Variants in PLD2 observed in about 807,000 individuals in gnomAD.
PLD2 encodes the protein phospholipase D2.
In PLD2, 101 loss-of-function variants were observed where a neutral mutation model predicts 119.8. The observed-to-expected ratio is 0.84, with a 90% CI of 0.72 to 0.99. The LOEUF is 0.99. PLD2 is among the 50% of genes least tolerant of loss of function. PLD2 has a pLI of 0.00. For synonymous variants in PLD2, 494 were observed against 482.8 expected (o/e 1.02, Z -0.30); for missense variants, 1,164 against 1,226.8 (o/e 0.95, Z 0.76).
chr17:4,820,791 T>C (rs1425566868), intron 23 of PLD2, among the ~76,000 whole-genome samples: 1 of 149,072 alleles, frequency 6.7e-6, no homozygotes, highest in Non-Finnish European at 1.5e-5. Context: ...TTAGCCAGGA[T>C]GGTCTAGATC....
Position 4,822,663 on chromosome 17 carries a change from T to C in PLD2, c.2601T>C (p.Asn867=), listed in dbSNP as rs1312689414. The C allele has an allele frequency of 6.2e-7, 1 of 1,610,978 alleles. No individual in the cohort carries two copies. Among genetic ancestry groups the C allele is most frequent in the Non-Finnish European group, 8.5e-7 (1 of 1,177,880 alleles). ...AGATCTTCCGCTGCCTGCCATCCAA[T>C]GCCACGCGTTCCCTGCGGACTCTCC... ...YEQIFRCLPS[N]ATRSLRTLRE... is the part of the protein sequence containing the mutation. Residue 867 remains asparagine (N), a synonymous_variant, in exon 25 of 25, where the codon AAT becomes AAC. Coordinates refer to ENST00000263088, the MANE Select transcript of PLD2 (RefSeq NM_002663.5).
rs1457722825 is a variant in PLD2 at position 4,808,609 on chromosome 17, G to C, written c.383+193G>C. Among the ~76,000 whole-genome samples the C allele has an allele frequency of 6.6e-6, 1 of 152,152 alleles. No individual in the cohort carries two copies. The highest frequency in any genetic ancestry group is 1.5e-5 in the Non-Finnish European group (1 of 68,026). On this transcript the variant is annotated intron_variant, in intron 4 of 24. Coordinates refer to ENST00000263088, the MANE Select transcript of PLD2 (RefSeq NM_002663.5). The surrounding 1 kb of genome is among the most constrained non-coding windows in gnomAD (Gnocchi z 4.1). Reference sequence around the variant, plus strand: ...TGGTTCTGTGCCAGCATCTCAGCTGGGCGGGATGCCCAAAATGCTCTTGGC... The same window carrying C: ...TGGTTCTGTGCCAGCATCTCAGCTGCGCGGGATGCCCAAAATGCTCTTGGC...
In PLD2 at chr17:4,807,564, T is replaced by C; in HGVS notation, c.-1-208T>C. 1 of 362,710 alleles carries C rather than the reference T, an allele frequency of 2.8e-6. No homozygotes were observed. Among genetic ancestry groups the C allele is most frequent in the South Asian group, 4.3e-5 (1 of 23,402 alleles). The allele number at this position is 362,710 out of a possible 1,614,324, so 22.5% of individuals were successfully genotyped here. A position where few individuals can be genotyped will look rare whatever the true frequency, so the allele number is the denominator to read the frequency against. ...CGGGGCGGGGGGCGGGGGGCGGGAC[T>C]GGGATTGTGGATGAAGGACTAAGGT... On this transcript the variant is annotated intron_variant, in intron 1 of 24. Coordinates refer to ENST00000263088, the MANE Select transcript of PLD2 (RefSeq NM_002663.5). This position sits in a 1 kb window ranked among gnomAD's most constrained non-coding sequence, Gnocchi z 5.4.
At position 4,807,538 on chromosome 17, in the gene PLD2, A is replaced by G. The variant is rs1905976355; in HGVS notation, c.-1-234A>G. On this transcript the variant is annotated intron_variant, in intron 1 of 24. Transcript: ENST00000263088. The surrounding 1 kb of genome is among the most constrained non-coding windows in gnomAD (Gnocchi z 5.4). ...TGTTCCCCGGGGCTCTGGTTACGGG[A>G]CGGGGCGGGGGGCGGGGGGCGGGAC... 6.0e-6 allele frequency: 2 copies of G among 330,712 alleles called. No homozygotes were observed. The highest frequency in any genetic ancestry group is 4.5e-5 in the Admixed American group (1 of 22,348). The allele number at this position is 330,712 out of a possible 1,614,324, so 20.5% of individuals were successfully genotyped here. A position where few individuals can be genotyped will look rare whatever the true frequency, so the allele number is the denominator to read the frequency against.
rs1246264807 is a variant in PLD2 at position 4,809,688 on chromosome 17, C to T, written c.615-3C>T. ...CCCGCCTCTCTTCCTGATTGTCCCA[C>T]AGGGAGGGGATGATCCGGAAGCGCT... On this transcript the variant is annotated splice_polypyrimidine_tract_variant and splice_region_variant and intron_variant, in intron 7 of 24. Transcript: ENST00000263088. The T allele has an allele frequency of 6.2e-7, 1 of 1,614,052 alleles. No individual in the cohort carries two copies. The highest frequency in any genetic ancestry group is 1.1e-5 in the South Asian group (1 of 91,082).
intron 10 of PLD2, among the ~76,000 whole-genome samples, chr17:4,813,338 C>T (rs1488612984): frequency 1.3e-5 from 2 of 152,172 alleles, no homozygotes; most frequent in Non-Finnish European, 2.9e-5. Flanking sequence ...TGTGCATGCA[C>T]GTGTTACTTT....
Position 4,818,122 on chromosome 17 carries a change from G to A in PLD2, c.1920+16G>A. On this transcript the variant is annotated intron_variant, in intron 18 of 24. Transcript: ENST00000263088. ...CTACATTGAGGTCTGACTGGGAGGA[G>A]GTGGGGGAGAGCATGGAAGGGGTGT... The A allele has an allele frequency of 3.2e-6, 5 of 1,584,336 alleles. No homozygotes were observed. The highest frequency in any genetic ancestry group is 4.3e-6 in the Non-Finnish European group (5 of 1,152,868).
intron 10 of PLD2, among the ~76,000 whole-genome samples, chr17:4,811,422 G>A (rs958981961): frequency 2.7e-5 from 4 of 149,436 alleles, no homozygotes; most frequent in Admixed American, 1.3e-4. Flanking sequence ...GATTACAGGC[G>A]CCCACCACCA....
chr17:4,818,653 C>T (rs368016324), intron 20 of PLD2, 46 bp downstream of exon 20: 26 of 1,551,142 alleles, frequency 1.7e-5, no homozygotes, highest in East Asian at 1.3e-4. Flanking sequence ...CCATCCCACC[C>T]GTGTCCCCCT....
chr17:4,816,757 C>T lies in PLD2; in HGVS notation c.1582+11C>T. ...ACCGGCCTTTCGAAGGTGAAGCCTC[C>T]CACCCGCCAAAGCCCCAGAGAGCTG... On this transcript the variant is annotated intron_variant, in intron 15 of 24. Transcript: ENST00000263088. 1.2e-6 allele frequency: 2 copies of T among 1,614,194 alleles called. No homozygotes were observed. Among genetic ancestry groups the T allele is most frequent in the South Asian group, 1.1e-5 (1 of 91,086 alleles).
intron 10 of PLD2, chr17:4,814,192 T>TA (rs1406965018): frequency 3.4e-5 from 18 of 527,290 alleles, no homozygotes; most frequent in Non-Finnish European, 5.1e-5. Flanking sequence ...TTAATCCTCC[T>TA]GTTCTTTAGT....
At position 4,819,314 on chromosome 17, in the gene PLD2, T is replaced by G; in HGVS notation, c.2308+96T>G. ...ACAGAGACTGCAGCTGAGGCTCGTG[T>G]AGGGGTGGAGGGTCCAAGAAGGAAT... On this transcript the variant is annotated intron_variant, in intron 22 of 24. Transcript: ENST00000263088. This position sits in a 1 kb window ranked among gnomAD's most constrained non-coding sequence, Gnocchi z 4.2. 1 of 1,592,480 alleles carries G rather than the reference T, an allele frequency of 6.3e-7. No homozygotes were observed. The highest frequency in any genetic ancestry group is 8.6e-7 in the Non-Finnish European group (1 of 1,166,636).
At chr17:4,815,690 CCT>C (rs1336199835) in intron 13 of PLD2, 72 bp from the exon 14 acceptor site, 2 of 1,598,338 alleles carry the variant, frequency 1.3e-6, no homozygotes, top group East Asian at 4.5e-5. Context: ...TTCCATCTTT[CCT>C]CTCTCCCTCC....
Position 4,818,044 on chromosome 17 carries a change from A to G in PLD2, c.1858A>G (p.Asn620Asp). ...CCGCTGGTCAGCAGGGACTCTGGAG[A>G]ACTCCATCCTCAATGCCTACCTGCA... Reference protein sequence around the residue: ...VDRWSAGTLENSILNAYLHTI... With the variant: ...VDRWSAGTLEDSILNAYLHTI... Residue 620 changes from asparagine (N) to aspartate (D), a missense_variant, in exon 18 of 25, where the codon AAC (asparagine) becomes GAC (aspartate). Asn to Asp is a conservative substitution (Grantham distance 23). Transcript: ENST00000263088. 1.2e-6 allele frequency: 2 copies of G among 1,614,104 alleles called. No individual in the cohort carries two copies.
In PLD2 at chr17:4,807,763, T is replaced by G. The variant is rs767029202; in HGVS notation, c.-1-9T>G. On this transcript the variant is annotated splice_polypyrimidine_tract_variant and intron_variant, in intron 1 of 24. Transcript: ENST00000263088. This position sits in a 1 kb window ranked among gnomAD's most constrained non-coding sequence, Gnocchi z 5.4. Reference sequence around the variant, plus strand: ...AGCTCGCCTCCCTGAGGCTTCCCAATGTTCCTAGGATGACGGCGACCCCTG... The same window carrying G: ...AGCTCGCCTCCCTGAGGCTTCCCAAGGTTCCTAGGATGACGGCGACCCCTG... 5 of 1,537,832 alleles carry G rather than the reference T, an allele frequency of 3.3e-6. No individual in the cohort carries two copies. Among genetic ancestry groups the G allele is most frequent in the Middle Eastern group, 1.7e-4 (1 of 5,902 alleles).
intron 10 of PLD2, among the ~76,000 whole-genome samples, chr17:4,811,975 C>A (rs1273764030): frequency 6.6e-6 from 1 of 151,832 alleles, no homozygotes; most frequent in Admixed American, 6.6e-5. Flanking sequence ...CCACCACACC[C>A]GGCTAATTAA....
chr17:4,809,469 C>T, intron 6 of PLD2, 24 bp from the exon 7 acceptor site: 1 of 1,608,532 alleles, frequency 6.2e-7, no homozygotes, highest in Non-Finnish European at 8.5e-7. Flanking sequence ...GGTGTCTCCT[C>T]CGGGCTTTTG....
intron 19 of PLD2, 34 bp from the exon 20 acceptor site, chr17:4,818,460 A>T: frequency 6.3e-7 from 1 of 1,596,224 alleles, no homozygotes; most frequent in South Asian, 1.1e-5. Flanking sequence ...GGTTTGAGGG[A>T]CCAGTCGCAC....
At chr17:4,810,058 A>G (rs756240009) in intron 9 of PLD2, 29 bp downstream of exon 9, 2 of 1,609,586 alleles carry the variant, frequency 1.2e-6, no homozygotes, top group South Asian at 1.1e-5. Context: ...GAGAGACACC[A>G]GCTGAGTGGT....
Sources: gnomAD v4.1 joint callset for allele counts (sites outside exome capture counted in the v4.1 genomes callset) on GRCh38, gnomAD v4.1.1 for gene constraint, Gnocchi (gnomAD v3.1) non-coding constraint, MANE v1.5 for transcripts, NCBI Gene and HGNC (gene_info 2026-07-23, HGNC 2026-07-21) for gene names.